Variants in CCR7 observed in about 807,000 individuals in gnomAD.
CCR7 encodes the protein C-C motif chemokine receptor 7, also known as C-C chemokine receptor type 7.
CCR7 carries 11 observed loss-of-function variants against 26.0 expected under a neutral mutation model. The ratio of observed to expected loss-of-function variants is 0.42; its 90% CI spans 0.27 to 0.70. The LOEUF (loss-of-function observed/expected upper bound fraction) is 0.70, where lower values mean the gene tolerates loss of function less well. Among genes scored for constraint, CCR7 ranks in the 30% least tolerant of loss-of-function variants. The pLI is 0.23. For synonymous variants in CCR7, 189 were observed against 202.1 expected (o/e 0.94, Z 0.55); for missense variants, 360 against 504.0 (o/e 0.71, Z 2.74).
At position 40,554,485 on chromosome 17, in the gene CCR7, TA is replaced by T. The variant is rs2036554263; in HGVS notation, c.*256del. ...GGACTTTCACTTTCAGTTTTTGGTT[TA>T]GGGGACAATAGCCTCTGTTTCCCAG... On this transcript the variant is annotated 3_prime_UTR_variant, in exon 3 of 3. Transcript: ENST00000246657. The T allele has an allele frequency of 2.0e-6, 1 of 491,620 alleles. No individual in the cohort carries two copies. The highest frequency in any genetic ancestry group is 3.6e-6 in the Non-Finnish European group (1 of 277,426). 30.5% of individuals were successfully genotyped at this position (491,620 alleles called of 1,614,324 possible). A position where few individuals can be genotyped will look rare whatever the true frequency, so the allele number is the denominator to read the frequency against.
At chr17:40,558,170 T>C (rs1020908039) in intron 2 of CCR7, among the ~76,000 whole-genome samples, 1 of 152,220 alleles carries the variant, frequency 6.6e-6, no homozygotes, top group Non-Finnish European at 1.5e-5. Flanking sequence ...CTACCCCTAC[T>C]CTGAGCTCCC....
intron 1 of CCR7, chr17:40,561,116 A>G (rs1210685128): frequency 6.6e-6 from 1 of 152,242 alleles, no homozygotes; most frequent in Non-Finnish European, 1.5e-5. Flanking sequence ...CAAAGTTTTG[A>G]TAAGTCACAA....
intron 1 of CCR7, 132 bp downstream of exon 1, chr17:40,565,268 C>G: frequency 1.2e-6 from 1 of 837,204 alleles, no homozygotes; most frequent in Non-Finnish European, 2.1e-6. Context: ...CAATGCCCAC[C>G]AAATCAGAAC....
At chr17:40,557,273 C>T (rs893206701) in intron 2 of CCR7, among the ~76,000 whole-genome samples, 4 of 152,276 alleles carry the variant, frequency 2.6e-5, no homozygotes, top group Non-Finnish European at 5.9e-5. Flanking sequence ...CAGCGATGGA[C>T]GGGTTTGTGC....
At chr17:40,562,612 G>A (rs2036666780) in intron 1 of CCR7, among the ~76,000 whole-genome samples, 1 of 152,132 alleles carries the variant, frequency 6.6e-6, no homozygotes, top group Admixed American at 6.5e-5. Context: ...ATCTTTGATG[G>A]GTCCCCATTG....
In CCR7 at chr17:40,565,401, C is replaced by G; in HGVS notation, c.9G>C (p.Leu3=). 6.2e-7 allele frequency: 1 copy of G among 1,613,448 alleles called. No individual in the cohort carries two copies. Among genetic ancestry groups the G allele is most frequent in the African/African-American group, 1.3e-5 (1 of 75,014 alleles). The change falls in exon 1 of 3, where the codon CTG becomes CTC. Residue 3 remains leucine, a splice_region_variant and synonymous_variant. Coordinates refer to ENST00000246657, the MANE Select transcript of CCR7 (RefSeq NM_001838.4). MD[L]GKPMKSVLVV... ...TCTCACATGAAGAGGCTCACTCACC[C>G]AGGTCCATGACGCTCTCTGGGCGGT...
intron 1 of CCR7, among the ~76,000 whole-genome samples, chr17:40,564,276 TTCACAG>T (rs1339899339): frequency 6.6e-6 from 1 of 152,138 alleles, no homozygotes; most frequent in Non-Finnish European, 1.5e-5. Context: ...CTTTCAGGAG[TTCACAG>T]TCAGTGGGTG....
At chr17:40,562,824 ACT>A (rs1416047898) in intron 1 of CCR7, among the ~76,000 whole-genome samples, 6 of 151,894 alleles carry the variant, frequency 4.0e-5, no homozygotes, top group African/African-American at 1.5e-4. Flanking sequence ...TCCCCAGGAC[ACT>A]CTGCTTGTCA....
chr17:40,561,620 A>G (rs1415611672), intron 1 of CCR7, among the ~76,000 whole-genome samples: 1 of 152,176 alleles, frequency 6.6e-6, no homozygotes, highest in African/African-American at 2.4e-5. Context: ...TCCAGGAAAG[A>G]AAATTATTGG....
At chr17:40,564,736 A>G (rs2036690670) in intron 1 of CCR7, among the ~76,000 whole-genome samples, 1 of 152,202 alleles carries the variant, frequency 6.6e-6, no homozygotes, top group Non-Finnish European at 1.5e-5. Flanking sequence ...GATTTCTCCA[A>G]GCTGAGTGCC....
Position 40,565,469 on chromosome 17 carries a change from G to T in CCR7, c.-60C>A, listed in dbSNP as rs375235901. On this transcript the variant is annotated 5_prime_UTR_variant, in exon 1 of 3. Transcript: ENST00000246657. ...CTGTGCCCGGCCTCGCACTACCCCT[G>T]TCTGGGGAGGAAGTGGTTCAAGCCC... 1 of 1,570,870 alleles carries T rather than the reference G, an allele frequency of 6.4e-7. No individual in the cohort carries two copies. Among genetic ancestry groups the T allele is most frequent in the Non-Finnish European group, 8.8e-7 (1 of 1,140,598 alleles).
chr17:40,557,639 G>A lies in CCR7; in HGVS notation c.60+1254C>T, dbSNP rs1371390723. 3.9e-5 allele frequency among the ~76,000 whole-genome samples: 6 copies of A among 152,192 alleles called. No individual in the cohort carries two copies. In the East Asian group the frequency reaches 7.7e-4, roughly 20 times the overall value. ...GGTTACGGCCCAAGGCCTTAGACCC[G>A]GGGTCCCTGGACATGAGGGGGTCTC... On this transcript the variant is annotated intron_variant, in intron 2 of 2. Transcript: ENST00000246657.
In CCR7 at chr17:40,554,931, G is replaced by A. The variant is rs1443673911; in HGVS notation, c.948C>T (p.Cys316=). The A allele has an allele frequency of 8.1e-6, 13 of 1,614,086 alleles. No individual in the cohort carries two copies. Among genetic ancestry groups the A allele is most frequent in the Middle Eastern group, 3.3e-4 (2 of 6,084 alleles). Residue 316 remains cysteine, a synonymous_variant, in exon 3 of 3, where the codon TGC becomes TGT. Coordinates refer to ENST00000246657, the MANE Select transcript of CCR7 (RefSeq NM_001838.4). ...AGAAAGGGTTGACGCAGCAGCGGAC[G>A]CAGGCCAGGCTGTAGGTGACGTCGT... The part of the protein sequence containing the change: ...IAYDVTYSLA[C]VRCCVNPFLY...
At chr17:40,557,623 C>T (rs1221802449) in intron 2 of CCR7, among the ~76,000 whole-genome samples, 1 of 152,182 alleles carries the variant, frequency 6.6e-6, no homozygotes. Context: ...TGGTTACGGC[C>T]CAAGGCCTTA....
chr17:40,561,788 T>C (rs1238924954), intron 1 of CCR7, among the ~76,000 whole-genome samples: 1 of 151,844 alleles, frequency 6.6e-6, no homozygotes, highest in Non-Finnish European at 1.5e-5. Context: ...ACAACTTTTC[T>C]CTCTCTCTCT....
intron 2 of CCR7, 48 bp downstream of exon 2, chr17:40,558,845 A>C: frequency 1.3e-6 from 2 of 1,541,642 alleles, no homozygotes; most frequent in Non-Finnish European, 1.8e-6. Flanking sequence ...CTGACTTGGG[A>C]GGCCGTGTGG....
chr17:40,561,173 T>G (rs2036651949), intron 1 of CCR7, among the ~76,000 whole-genome samples: 1 of 152,206 alleles, frequency 6.6e-6, no homozygotes, highest in African/African-American at 2.4e-5. Flanking sequence ...TGAACTCTGT[T>G]GATAACCCCT....
chr17:40,562,480 C>T (rs1000125082), intron 1 of CCR7, among the ~76,000 whole-genome samples: 2 of 152,178 alleles, frequency 1.3e-5, no homozygotes, highest in Admixed American at 6.5e-5. Flanking sequence ...CCCAACATCC[C>T]GGCCCCCAAA....
chr17:40,561,594 C>T (rs1289249918), intron 1 of CCR7, among the ~76,000 whole-genome samples: 2 of 152,186 alleles, frequency 1.3e-5, no homozygotes, highest in Non-Finnish European at 2.9e-5. Context: ...GAGCCCCCAA[C>T]ATGAGAGACT....
Sources: gnomAD v4.1 joint callset for allele counts (sites outside exome capture counted in the v4.1 genomes callset) on GRCh38, gnomAD v4.1.1 for gene constraint, MANE v1.5 for transcripts, NCBI Gene and HGNC (gene_info 2026-07-23, HGNC 2026-07-21) for gene names.